LRRC2: variants seen among roughly 807,000 people sequenced by gnomAD.
LRRC2 encodes the protein leucine rich repeat containing 2, also known as leucine-rich repeat-containing protein 2.
LRRC2 carries 27 observed loss-of-function variants against 40.2 expected under a neutral mutation model. The observed-to-expected ratio is 0.67, with a 90% CI of 0.49 to 0.93. The LOEUF (loss-of-function observed/expected upper bound fraction) is 0.93, where lower values mean the gene tolerates loss of function less well. Among genes scored for constraint, LRRC2 ranks in the 40% least tolerant of loss-of-function variants. The pLI is 0.00. For missense variants in LRRC2, 402 were observed against 439.6 expected (o/e 0.91, Z 0.76); for synonymous variants, 147 against 158.9 (o/e 0.92, Z 0.56).
chr3:46,519,462 G>A (rs747643945), intron 8 of LRRC2, among the ~76,000 whole-genome samples: 19 of 152,228 alleles, frequency 1.2e-4, no homozygotes, highest in Non-Finnish European at 2.5e-4. Flanking sequence ...AGTTTGGGCT[G>A]TTCCTAAACC....
chr3:46,530,883 A>C (rs1704147340), intron 5 of LRRC2, among the ~76,000 whole-genome samples: 1 of 152,236 alleles, frequency 6.6e-6, no homozygotes, highest in Non-Finnish European at 1.5e-5. Context: ...CAGCCAAACC[A>C]TATCACCATA....
In LRRC2 at chr3:46,532,798, A is replaced by G; in HGVS notation, c.602T>C (p.Leu201Pro). ...TTCAAAGGGCAGCTCCATTAATTCT[A>G]GATTTCCAGAACAATCCAGTCTCTC... The part of the protein sequence containing the change: ...NLERLDCSGN[L>P]ELMELPFELS... Residue 201 changes from leucine (L) to proline (P), a missense_variant, in exon 5 of 9, where the codon CTA becomes CCA. Coordinates refer to ENST00000395905, the MANE Select transcript of LRRC2 (RefSeq NM_024512.5). 1 of 1,613,732 alleles carries G rather than the reference A, an allele frequency of 6.2e-7. No individual in the cohort carries two copies.
chr3:46,532,185 A>G (rs116055491), intron 5 of LRRC2, among the ~76,000 whole-genome samples: 2,535 of 152,310 alleles, frequency 0.017, 47 homozygotes, highest in South Asian at 0.026. Flanking sequence ...TAGAGACAAC[A>G]GGCATCTTAT....
rs2106967498 is a variant in LRRC2, at chr3:46,517,825, C to T, written c.*1189G>A. ...CCCAAATTCAAACAGCCCATGGGCT[C>T]CCTCTGGACTGAAGCATCTTTGCTA... On this transcript the variant is annotated 3_prime_UTR_variant, in exon 9 of 9. Transcript: ENST00000395905. 1 of 152,404 alleles carries T rather than the reference C, an allele frequency of 6.6e-6. No individual in the cohort carries two copies. The highest frequency in any genetic ancestry group is 2.4e-5 in the African/African-American group (1 of 41,606). 9.4% of individuals were successfully genotyped at this position (152,404 alleles called of 1,614,324 possible). A position where few individuals can be genotyped will look rare whatever the true frequency, so the allele number is the denominator to read the frequency against.
Position 46,539,121 on chromosome 3 carries a change from T to C in LRRC2, c.414A>G (p.Thr138=). 2 of 1,613,898 alleles carry C rather than the reference T, an allele frequency of 1.2e-6. No homozygotes were observed. Among genetic ancestry groups the C allele is most frequent in the African/African-American group, 1.3e-5 (1 of 75,052 alleles). The change falls in exon 4 of 9, where the codon ACA becomes ACG. Residue 138 remains threonine, a synonymous_variant. Transcript: ENST00000395905. The part of the protein sequence containing the change: ...ISNTLIQIIP[T]YIQLFQAMRI... ...TCATCGCTTGAAATAACTGAATATATGTAGGAATGATTTGAATCAAGGTAT... is the reference window on the plus strand; with the variant it reads ...TCATCGCTTGAAATAACTGAATATACGTAGGAATGATTTGAATCAAGGTAT...
chr3:46,564,542 G>T lies in LRRC2; in HGVS notation c.-20+1635C>A, dbSNP rs1440399947. 2.6e-5 allele frequency among the ~76,000 whole-genome samples: 4 copies of T among 152,112 alleles called. No homozygotes were observed. In the East Asian group the frequency reaches 7.7e-4, roughly 29 times the overall value. On this transcript the variant is annotated intron_variant, in intron 1 of 8. Coordinates refer to ENST00000395905, the MANE Select transcript of LRRC2 (RefSeq NM_024512.5). ...CAGAGCATCCTAAGAAGGATCTGGG[G>T]GAGTTTGGGAGGAGACTCAACAAAG...
chr3:46,534,865 C>A (rs1704243039), intron 4 of LRRC2, among the ~76,000 whole-genome samples: 1 of 152,166 alleles, frequency 6.6e-6, no homozygotes, highest in African/African-American at 2.4e-5. Context: ...TTCAGCTGCT[C>A]AACATAAAAG....
intron 3 of LRRC2, among the ~76,000 whole-genome samples, chr3:46,540,110 CT>C (rs910943597): frequency 3.3e-5 from 5 of 152,192 alleles, no homozygotes; most frequent in African/African-American, 1.2e-4. Context: ...AGTGATCCTT[CT>C]TTTTTGTACT....
chr3:46,550,374 C>G (rs56255642), intron 2 of LRRC2, among the ~76,000 whole-genome samples: 8,085 of 136,230 alleles, frequency 0.059, 332 homozygotes, highest in South Asian at 0.16. Context: ...ACACCTTACA[C>G]ATCTTTTTTT....
At chr3:46,544,098 C>T (rs1704467682) in intron 3 of LRRC2, among the ~76,000 whole-genome samples, 1 of 101,572 alleles carries the variant, frequency 9.8e-6, no homozygotes, top group Admixed American at 9.8e-5. Flanking sequence ...TAAAAGACAG[C>T]CCCAGGTCAC....
intron 3 of LRRC2, among the ~76,000 whole-genome samples, 168 bp downstream of exon 3, chr3:46,544,878 A>G (rs979433907): frequency 3.3e-5 from 5 of 152,190 alleles, no homozygotes; most frequent in African/African-American, 1.2e-4. Flanking sequence ...CCACAGAGGT[A>G]TCCAAGTGGG....
At chr3:46,521,741 T>C in intron 7 of LRRC2, 83 bp from the exon 8 acceptor site, 2 of 1,384,976 alleles carry the variant, frequency 1.4e-6, no homozygotes, top group Non-Finnish European at 2.0e-6. Context: ...TAACCTCTGT[T>C]ATCCCAAGTT....
intron 4 of LRRC2, among the ~76,000 whole-genome samples, chr3:46,535,249 G>T (rs1704250451): frequency 6.6e-6 from 1 of 152,146 alleles, no homozygotes; most frequent in African/African-American, 2.4e-5. Context: ...CCTATATAAT[G>T]ATGAAAAATT....
intron 2 of LRRC2, among the ~76,000 whole-genome samples, chr3:46,546,564 C>G (rs1045193105): frequency 1.3e-5 from 2 of 152,164 alleles, no homozygotes; most frequent in Non-Finnish European, 2.9e-5. Flanking sequence ...GTACCTTTGA[C>G]TTTGACTAAG....
chr3:46,521,477 C>G, intron 8 of LRRC2, 45 bp downstream of exon 8: 1 of 1,433,182 alleles, frequency 7.0e-7, no homozygotes, highest in Non-Finnish European at 9.4e-7. Flanking sequence ...CATAAGTGGA[C>G]GTCTGTACAC....
chr3:46,542,235 A>G (rs903710603), intron 3 of LRRC2, among the ~76,000 whole-genome samples: 1 of 152,036 alleles, frequency 6.6e-6, no homozygotes, highest in Non-Finnish European at 1.5e-5. Flanking sequence ...CATCCCCCCC[A>G]AAAAAACTAT....
intron 3 of LRRC2, among the ~76,000 whole-genome samples, chr3:46,541,282 G>A (rs187709068): frequency 4.1e-5 from 6 of 146,998 alleles, no homozygotes; most frequent in African/African-American, 7.5e-5. Flanking sequence ...GAAGTGAGCC[G>A]AGAATATGCC....
At chr3:46,548,785 G>A (rs184969325) in intron 2 of LRRC2, among the ~76,000 whole-genome samples, 1 of 152,308 alleles carries the variant, frequency 6.6e-6, no homozygotes, top group Non-Finnish European at 1.5e-5. Flanking sequence ...CCATGGATGA[G>A]GGGTTGGGGG....
intron 2 of LRRC2, among the ~76,000 whole-genome samples, chr3:46,548,436 G>C (rs1300634271): frequency 6.6e-6 from 1 of 152,014 alleles, no homozygotes; most frequent in Non-Finnish European, 1.5e-5. Flanking sequence ...TTCCTTGAAA[G>C]TAATTAAAAT....
Sources: allele counts gnomAD v4.1 joint callset (sites outside exome capture counted in the v4.1 genomes callset), GRCh38; gene constraint gnomAD v4.1.1; transcripts MANE v1.5; gene names NCBI Gene and HGNC (gene_info 2026-07-23, HGNC 2026-07-21).